Variants in RBPMS observed in about 807,000 individuals in gnomAD.
The protein encoded by RBPMS is RNA binding protein, mRNA processing factor, also known as RNA-binding protein with multiple splicing.
Under a neutral mutation model 26.8 loss-of-function variants are expected in RBPMS, and 7 were observed. The ratio of observed to expected loss-of-function variants is 0.26; its 90% confidence interval spans 0.15 to 0.49. RBPMS has a LOEUF of 0.49. Among genes scored for constraint, RBPMS ranks in the 20% least tolerant of loss-of-function variants. The pLI is 0.98. For synonymous variants in RBPMS, 96 were observed against 93.3 expected (o/e 1.03, Z -0.17); for missense variants, 186 against 250.0 (o/e 0.74, Z 1.73).
At chr8:30,504,752 C>G (rs183695626) in intron 5 of RBPMS, among the ~76,000 whole-genome samples, 58 of 152,284 alleles carry the variant, frequency 3.8e-4, no homozygotes, top group Non-Finnish European at 7.6e-4. Flanking sequence ...TTCATTCCCC[C>G]CTGCTCGGAC....
chr8:30,421,416 A>C (rs912561810), intron 1 of RBPMS, among the ~76,000 whole-genome samples: 6 of 152,166 alleles, frequency 3.9e-5, no homozygotes, highest in African/African-American at 1.2e-4. Context: ...GAATTATGTC[A>C]CTACTTTGTG....
chr8:30,507,518 CAAG>C (rs1327192966), intron 5 of RBPMS, among the ~76,000 whole-genome samples: 5 of 152,072 alleles, frequency 3.3e-5, no homozygotes, highest in African/African-American at 1.2e-4. Flanking sequence ...ATTGTCTTTG[CAAG>C]TTAGGAGAAA....
At chr8:30,474,686 A>G (rs1817498154) in intron 1 of RBPMS, 93 bp from the exon 2 acceptor site, 1 of 735,078 alleles carries the variant, frequency 1.4e-6, no homozygotes, top group Non-Finnish European at 2.4e-6. Context: ...GAGTTGTGGA[A>G]TATTTGGAAT....
At chr8:30,438,976 C>T (rs1008613224) in intron 1 of RBPMS, among the ~76,000 whole-genome samples, 1 of 152,142 alleles carries the variant, frequency 6.6e-6, no homozygotes, top group Admixed American at 6.5e-5. Flanking sequence ...GGGGTTTCAC[C>T]ATGCTGTCCA....
intron 4 of RBPMS, among the ~76,000 whole-genome samples, chr8:30,495,279 GGTT>G (rs1375249549): frequency 7.6e-6 from 1 of 132,218 alleles, no homozygotes; most frequent in African/African-American, 3.6e-5. Flanking sequence ...CAATTATGAA[GGTT>G]TTTTTTTTTT....
At chr8:30,500,667 C>A (rs960373998) in intron 4 of RBPMS, among the ~76,000 whole-genome samples, 2 of 152,126 alleles carry the variant, frequency 1.3e-5, no homozygotes, top group South Asian at 4.1e-4. Context: ...CAGCTTTGGT[C>A]AACACCATTT....
chr8:30,444,598 T>A (rs1329831165), intron 1 of RBPMS: 1 of 152,158 alleles, frequency 6.6e-6, no homozygotes, highest in Non-Finnish European at 1.5e-5. Flanking sequence ...TAAATCATAG[T>A]GGTTTAAAGT....
intron 1 of RBPMS, among the ~76,000 whole-genome samples, chr8:30,449,995 C>G (rs3735767): frequency 0.34 from 51,156 of 152,170 alleles, 9,266 homozygotes; most frequent in African/African-American, 0.46. Context: ...AGCAGGGCTC[C>G]AAGCCTTTTT....
chr8:30,555,809 G>A (rs941827877), intron 6 of RBPMS: 1 of 898,972 alleles, frequency 1.1e-6, no homozygotes, highest in Non-Finnish European at 1.3e-6. Context: ...GGAGTGACCT[G>A]GGGCCAAAAG....
At chr8:30,546,178 G>A (rs1020196110) in intron 6 of RBPMS, among the ~76,000 whole-genome samples, 1 of 152,168 alleles carries the variant, frequency 6.6e-6, no homozygotes, top group Admixed American at 6.5e-5. Context: ...CCCTGCTCTG[G>A]ATGGTGTCTC....
chr8:30,409,514 T>C (rs1206104508), intron 1 of RBPMS, among the ~76,000 whole-genome samples: 1 of 152,120 alleles, frequency 6.6e-6, no homozygotes, highest in Non-Finnish European at 1.5e-5. Context: ...CTTTAATCTT[T>C]TCCAGTTATT....
At chr8:30,416,003 T>C (rs889784067) in intron 1 of RBPMS, among the ~76,000 whole-genome samples, 9 of 152,204 alleles carry the variant, frequency 5.9e-5, no homozygotes, top group Non-Finnish European at 1.0e-4. Context: ...ATATGTGCCA[T>C]TGCAATGTGG....
intron 6 of RBPMS, among the ~76,000 whole-genome samples, chr8:30,546,454 A>G (rs1381924927): frequency 6.6e-6 from 1 of 152,214 alleles, no homozygotes; most frequent in East Asian, 1.9e-4. Flanking sequence ...GTATGGTAAG[A>G]GAAGGGCCTA....
intron 4 of RBPMS, among the ~76,000 whole-genome samples, chr8:30,483,377 C>T (rs1256203384): frequency 1.3e-5 from 2 of 152,150 alleles, no homozygotes; most frequent in Non-Finnish European, 2.9e-5. Flanking sequence ...CTGTACATCA[C>T]TACAAATTGC....
intron 4 of RBPMS, among the ~76,000 whole-genome samples, chr8:30,490,484 G>C (rs866982618): frequency 1.3e-5 from 2 of 151,866 alleles, no homozygotes; most frequent in Non-Finnish European, 2.9e-5. Context: ...TTTTGAGACG[G>C]AGTCTCGCTC....
In RBPMS at chr8:30,474,298, T is replaced by C. The variant is rs1173978785; in HGVS notation, c.67-481T>C. ...ACAAAACAAGCAGGAGGAAACAAATTGTTTTTATATTATTTTTGAAGCACA... is the reference window on the plus strand; with the variant it reads ...ACAAAACAAGCAGGAGGAAACAAATCGTTTTTATATTATTTTTGAAGCACA... On this transcript the variant is annotated intron_variant, in intron 1 of 8. Coordinates refer to ENST00000397323, the MANE Select transcript of RBPMS (RefSeq NM_001008710.3). Among the ~76,000 whole-genome samples the C allele has an allele frequency of 3.3e-5, 5 of 152,144 alleles. No individual in the cohort carries two copies. The East Asian group carries it at 9.6e-4, about 29-fold the overall frequency.
intron 1 of RBPMS, among the ~76,000 whole-genome samples, chr8:30,409,687 C>T (rs1167189602): frequency 6.6e-6 from 1 of 152,028 alleles, no homozygotes; most frequent in African/African-American, 2.4e-5. Flanking sequence ...GGCTGGAGTG[C>T]AGTGGCGCGA....
rs115096502 is a variant in RBPMS, at chr8:30,474,243, T to C, written c.67-536T>C. Among the ~76,000 whole-genome samples, 587 of 152,268 alleles carry C rather than the reference T, an allele frequency of 3.9e-3. 7 individuals are homozygous for C. Among genetic ancestry groups the C allele is most frequent in the African/African-American group, 0.014 (563 of 41,536 alleles). ...TTTACTTTTACATTTATTAAAGTTA[T>C]TGTAATTAATGCCTATGAGGAAAGC... On this transcript the variant is annotated intron_variant, in intron 1 of 8. Transcript: ENST00000397323.
intron 1 of RBPMS, among the ~76,000 whole-genome samples, chr8:30,454,445 A>T (rs982206237): frequency 1.3e-5 from 2 of 152,144 alleles, no homozygotes; most frequent in Non-Finnish European, 2.9e-5. Context: ...GAGAGGTTAT[A>T]TGTGTGATTT....
Sources: gnomAD v4.1 joint callset for allele counts (sites outside exome capture counted in the v4.1 genomes callset) on GRCh38, gnomAD v4.1.1 for gene constraint, MANE v1.5 for transcripts, NCBI Gene and HGNC (gene_info 2026-07-23, HGNC 2026-07-21) for gene names.